Variants in ROBO2 observed in about 807,000 individuals in gnomAD.
ROBO2 encodes the protein roundabout homolog 2.
A neutral mutation model predicts 160.8 loss-of-function variants in ROBO2; 53 were observed. The observed-to-expected ratio is 0.33, with a 90% CI of 0.26 to 0.41. The LOEUF (loss-of-function observed/expected upper bound fraction) is 0.41. ROBO2 is among the 10% of genes least tolerant of loss of function. The pLI is 1.00. For synonymous variants in ROBO2, 664 were observed against 611.7 expected, an observed-to-expected ratio of 1.09 and a Z score of -1.26; for missense variants, 1,577 against 1,722.4, an observed-to-expected ratio of 0.92 and a Z score of 1.49.
chr3:77,473,698 C>T (rs1419873407), intron 2 of ROBO2, among the ~76,000 whole-genome samples: 1 of 151,992 alleles, frequency 6.6e-6, no homozygotes, highest in Non-Finnish European at 1.5e-5. Context: ...CCTCGTGATC[C>T]ACCCACCTCG....
intron 2 of ROBO2, among the ~76,000 whole-genome samples, chr3:77,289,981 G>A (rs1330695979): frequency 2.6e-5 from 4 of 151,586 alleles, no homozygotes; most frequent in South Asian, 2.1e-4. Context: ...TAAAATTGAT[G>A]GTTAAACGGG....
At chr3:77,458,974 A>T (rs2081972515) in intron 2 of ROBO2, among the ~76,000 whole-genome samples, 1 of 152,140 alleles carries the variant, frequency 6.6e-6, no homozygotes, top group South Asian at 2.1e-4. Flanking sequence ...TGCCCACCTC[A>T]CAGGGTCATT....
intron 2 of ROBO2, among the ~76,000 whole-genome samples, chr3:77,100,515 G>A (rs1450685209): frequency 6.6e-6 from 1 of 151,744 alleles, no homozygotes; most frequent in Admixed American, 6.6e-5. Context: ...TAAAATGACA[G>A]AGGAACAGCT....
intron 9 of ROBO2, among the ~76,000 whole-genome samples, chr3:77,558,756 C>T (rs1304002335): frequency 6.6e-6 from 1 of 152,002 alleles, no homozygotes; most frequent in Non-Finnish European, 1.5e-5. Flanking sequence ...GCTTCAGGAG[C>T]AACTCAAAAT....
chr3:76,928,739 T>C (rs2077142187), intron 2 of ROBO2, among the ~76,000 whole-genome samples: 1 of 152,162 alleles, frequency 6.6e-6, no homozygotes, highest in African/African-American at 2.4e-5. Flanking sequence ...TTCTCCACAG[T>C]TTTGTTAGTC....
intron 2 of ROBO2, among the ~76,000 whole-genome samples, chr3:77,018,460 A>G (rs896066297): frequency 6.6e-6 from 1 of 152,190 alleles, no homozygotes; most frequent in African/African-American, 2.4e-5. Context: ...AAAGAATTCT[A>G]TATTGATAAT....
intron 2 of ROBO2, among the ~76,000 whole-genome samples, chr3:76,918,830 T>C (rs888550816): frequency 6.6e-6 from 1 of 152,196 alleles, no homozygotes; most frequent in Non-Finnish European, 1.5e-5. Context: ...CCAGCATTGG[T>C]TGTTTCTTGA....
chr3:77,582,175 C>A (rs1157593893), intron 16 of ROBO2, among the ~76,000 whole-genome samples: 8 of 152,110 alleles, frequency 5.3e-5, no homozygotes, highest in Non-Finnish European at 1.0e-4. Context: ...GATCTCTGCT[C>A]ACTGCAAACT....
intron 2 of ROBO2, among the ~76,000 whole-genome samples, chr3:77,413,892 T>C (rs544757971): frequency 6.6e-6 from 1 of 152,232 alleles, no homozygotes; most frequent in Admixed American, 6.5e-5. Flanking sequence ...TGTAGGCAGT[T>C]GGATGCATGA....
At chr3:76,134,900 G>A (rs2071372794) in intron 2 of ROBO2, among the ~76,000 whole-genome samples, 1 of 152,056 alleles carries the variant, frequency 6.6e-6, no homozygotes, top group Non-Finnish European at 1.5e-5. Context: ...CTAAGCCACG[G>A]TAACAAATTG....
intron 2 of ROBO2, among the ~76,000 whole-genome samples, chr3:76,344,612 A>G (rs1431219987): frequency 1.3e-5 from 2 of 152,172 alleles, no homozygotes; most frequent in East Asian, 3.9e-4. Context: ...TCACTAATGA[A>G]ATAGCAGAAA....
intron 2 of ROBO2, among the ~76,000 whole-genome samples, chr3:76,916,342 A>AGAT (rs2076303005): frequency 6.6e-6 from 1 of 151,988 alleles, no homozygotes; most frequent in Non-Finnish European, 1.5e-5. Context: ...CTTTATGGAC[A>AGAT]GATATGTACC....
intron 2 of ROBO2, among the ~76,000 whole-genome samples, chr3:76,304,747 C>CTTCT (rs1222058179): frequency 0.14 from 13,686 of 101,264 alleles, 774 homozygotes; most frequent in African/African-American, 0.15. Context: ...CTTTTCTTTC[C>CTTCT]TTCTTTCTTT....
chr3:77,068,354 T>G (rs1480873328), intron 1 of ROBO2, among the ~76,000 whole-genome samples: 5 of 152,172 alleles, frequency 3.3e-5, no homozygotes, highest in Admixed American at 3.3e-4. Context: ...CCTTCTATTG[T>G]GTCATGATTT....
intron 13 of ROBO2, among the ~76,000 whole-genome samples, chr3:77,572,484 T>C (rs2093661469): frequency 6.6e-6 from 1 of 151,216 alleles, no homozygotes; most frequent in South Asian, 2.1e-4. Context: ...GCTTCCATGT[T>C]ACACCTGGGC....
intron 2 of ROBO2, among the ~76,000 whole-genome samples, chr3:76,256,647 G>A (rs1011798629): frequency 1.3e-5 from 2 of 151,928 alleles, no homozygotes; most frequent in Non-Finnish European, 2.9e-5. Context: ...GGATGCTGAG[G>A]CTGCAGTGAA....
chr3:76,085,043 T>G (rs2068960159), intron 2 of ROBO2, among the ~76,000 whole-genome samples: 1 of 152,066 alleles, frequency 6.6e-6, no homozygotes, highest in South Asian at 2.1e-4. Flanking sequence ...ACTATTCTTG[T>G]GCTTAAAGCT....
chr3:76,865,461 A>G (rs1287091857), intron 2 of ROBO2, among the ~76,000 whole-genome samples: 1 of 152,048 alleles, frequency 6.6e-6, no homozygotes, highest in Non-Finnish European at 1.5e-5. Flanking sequence ...TGGACTAGCA[A>G]TTGTCCACGG....
chr3:76,619,296 C>T (rs1391762094), intron 2 of ROBO2, among the ~76,000 whole-genome samples: 1 of 150,146 alleles, frequency 6.7e-6, no homozygotes, highest in African/African-American at 2.4e-5. Context: ...GCCGAGATCG[C>T]GCCACTGCAC....
Sources: allele counts gnomAD v4.1 joint callset (sites outside exome capture counted in the v4.1 genomes callset), GRCh38; gene constraint gnomAD v4.1.1; transcripts MANE v1.5; gene names NCBI Gene and HGNC (gene_info 2026-07-23, HGNC 2026-07-21).